ZNF524: variants seen among roughly 807,000 people sequenced by gnomAD.
The protein encoded by ZNF524 is zinc finger protein 524.
For missense variants in ZNF524, 388 were observed against 380.1 expected, an observed-to-expected ratio of 1.02 and a Z score of -0.17; for synonymous variants, 194 against 166.3, an observed-to-expected ratio of 1.17 and a Z score of -1.28.
Position 55,602,625 on chromosome 19 carries a change from C to G in ZNF524, c.513C>G (p.Arg171=). 6.3e-7 allele frequency: 1 copy of G among 1,581,070 alleles called. No individual in the cohort carries two copies. The highest frequency in any genetic ancestry group is 2.3e-5 in the East Asian group (1 of 43,514). Residue 171 remains arginine, a synonymous_variant, in exon 2 of 2, where the codon CGC becomes CGG. Transcript: ENST00000301073. ...CNIHAGLRPF[R]CPLCPRRFRE... ...TCCATGCCGGCCTGCGGCCCTTCCG[C>G]TGCCCGCTGTGCCCCCGCCGCTTCC... is the stretch of plus-strand genomic sequence containing the variant.
chr19:55,602,924 T>C lies in ZNF524; in HGVS notation c.*17T>C. On this transcript the variant is annotated 3_prime_UTR_variant, in exon 2 of 2. Transcript: ENST00000301073. ...CCGGCCTGACCCACACCCCCGGCCA[T>C]CGCTCCCTGGGCCAGGTTTAGAGCA... 6.5e-7 allele frequency: 1 copy of C among 1,531,812 alleles called. No homozygotes were observed. The highest frequency in any genetic ancestry group is 2.0e-5 in the Admixed American group (1 of 49,124). 94.9% of individuals were successfully genotyped at this position (1,531,812 alleles called of 1,614,324 possible).
In ZNF524 at chr19:55,602,866, G is replaced by A. The variant is rs762697294; in HGVS notation, c.754G>A (p.Glu252Lys). Residue 252 changes from glutamate to lysine, a missense_variant, in exon 2 of 2, where the codon GAG becomes AAG. By Grantham distance (56) the Glu-to-Lys change is moderately conservative (BLOSUM62 1). Transcript: ENST00000301073. ...EEGIPATAGA[E>K]EEEETEGKGE... ...GGGCATCCCGGCCACAGCAGGGGCC[G>A]AGGAGGAGGAGGAGACAGAGGGGAA... 3.1e-5 allele frequency: 49 copies of A among 1,591,248 alleles called. No individual in the cohort carries two copies. Among genetic ancestry groups the A allele is most frequent in the South Asian group, 2.1e-4 (19 of 88,466 alleles).
chr19:55,599,950 C>A (rs937579187), upstream of ZNF524: 7 of 152,250 alleles, frequency 4.6e-5, no homozygotes, highest in African/African-American at 1.7e-4. Context: ...CTTAGCACTC[C>A]ATGGGCTTCG....
chr19:55,601,018 A>C (rs1980654839), intron 1 of ZNF524: 1 of 152,238 alleles, frequency 6.6e-6, no homozygotes, highest in African/African-American at 2.4e-5. Context: ...TTTAAAGCCC[A>C]CTGTCTTATT....
intron 1 of ZNF524, chr19:55,600,655 C>T (rs1439442023): frequency 2.0e-5 from 3 of 152,104 alleles, no homozygotes; most frequent in Admixed American, 6.5e-5. Context: ...GCTCGGGGGC[C>T]GATGGGCGCG....
upstream of ZNF524, chr19:55,599,852 G>A (rs1339336817): frequency 1.3e-5 from 2 of 152,224 alleles, no homozygotes; most frequent in Non-Finnish European, 2.9e-5. Flanking sequence ...CTCCGATTAG[G>A]ATGTACAGTT....
In ZNF524 at chr19:55,602,957, T is replaced by C. The variant is rs1189476735; in HGVS notation, c.*50T>C. 1.3e-6 allele frequency: 2 copies of C among 1,482,252 alleles called. No homozygotes were observed. Among genetic ancestry groups the C allele is most frequent in the Admixed American group, 4.6e-5 (2 of 43,328 alleles). 91.8% of individuals were successfully genotyped at this position (1,482,252 alleles called of 1,614,324 possible). ...TGGGCCAGGTTTAGAGCAGGGAGTT[T>C]GGCTGGTGCTGGGCCTGAGCCAGGG... On this transcript the variant is annotated 3_prime_UTR_variant, in exon 2 of 2. Coordinates refer to ENST00000301073, the MANE Select transcript of ZNF524 (RefSeq NM_153219.4).
At position 55,602,913 on chromosome 19, in the gene ZNF524, A is replaced by AC. The variant is rs1451243872; in HGVS notation, c.*11dup. 4 of 1,542,180 alleles carry AC rather than the reference A, an allele frequency of 2.6e-6. No homozygotes were observed. The highest frequency in any genetic ancestry group is 3.5e-6 in the Non-Finnish European group (4 of 1,140,984). On this transcript the variant is annotated 3_prime_UTR_variant, in exon 2 of 2. Coordinates refer to ENST00000301073, the MANE Select transcript of ZNF524 (RefSeq NM_153219.4). ...GGAAAGGGGAGCCGGCCTGACCCAC[A>AC]CCCCCGGCCATCGCTCCCTGGGCCA...
Position 55,602,847 on chromosome 19 carries a change from C to T in ZNF524, c.735C>T (p.Ile245=). ...AACCGCCGTGGGACGAGGAGGGCAT[C>T]CCGGCCACAGCAGGGGCCGAGGAGG... ...GSEPPWDEEG[I]PATAGAEEEE... is the part of the protein sequence containing the mutation. Residue 245 remains isoleucine, a synonymous_variant, in exon 2 of 2, where the codon ATC becomes ATT. Coordinates refer to ENST00000301073, the MANE Select transcript of ZNF524 (RefSeq NM_153219.4). 6.2e-7 allele frequency: 1 copy of T among 1,608,006 alleles called. No individual in the cohort carries two copies. The highest frequency in any genetic ancestry group is 8.5e-7 in the Non-Finnish European group (1 of 1,178,298).
Position 55,602,507 on chromosome 19 carries a change from A to G in ZNF524, c.395A>G (p.His132Arg), listed in dbSNP as rs771275555. The G allele has an allele frequency of 6.3e-7, 1 of 1,598,232 alleles. No homozygotes were observed. The highest frequency in any genetic ancestry group is 8.5e-7 in the Non-Finnish European group (1 of 1,178,230). Residue 132 changes from histidine to arginine, a missense_variant, in exon 2 of 2, where the codon CAC becomes CGC. Transcript: ENST00000301073. Reference protein sequence around the residue: ...AFPYLSDLERHSISHSELKPH... With the variant: ...AFPYLSDLERRSISHSELKPH... Reference sequence around the variant, plus strand: ...CCCTACCTCTCCGACCTGGAGCGCCACAGCATCTCGCACTCAGAGCTGAAG... The same window carrying G: ...CCCTACCTCTCCGACCTGGAGCGCCGCAGCATCTCGCACTCAGAGCTGAAG...
rs747301633 is a variant in ZNF524 at position 55,602,227 on chromosome 19, G to A, written c.115G>A (p.Ala39Thr). ...RGRRGRRPGG[A>T]TSSNRTLKAS... ...CCGCCGAGGCCGTCGTCCTGGGGGA[G>A]CCACCTCCTCAAATCGGACACTCAA... The change falls in exon 2 of 2, where the codon GCC (alanine) becomes ACC (threonine). Residue 39 changes from alanine (A) to threonine (T), a missense_variant. Physicochemically the swap from Ala to Thr is moderately conservative, Grantham distance 58. Transcript: ENST00000301073. The A allele has an allele frequency of 1.2e-6, 2 of 1,612,354 alleles. No individual in the cohort carries two copies. The highest frequency in any genetic ancestry group is 1.7e-6 in the Non-Finnish European group (2 of 1,179,558).
Position 55,602,487 on chromosome 19 carries a change from C to T in ZNF524, c.375C>T (p.Tyr125=), listed in dbSNP as rs772651607. 2 of 1,597,974 alleles carry T rather than the reference C, an allele frequency of 1.3e-6. No individual in the cohort carries two copies. Among genetic ancestry groups the T allele is most frequent in the Non-Finnish European group, 1.7e-6 (2 of 1,177,872 alleles). ...CGGTGTGCCTGCGGGCCTTCCCCTACCTCTCCGACCTGGAGCGCCACAGCA... is the reference window on the plus strand; with the variant it reads ...CGGTGTGCCTGCGGGCCTTCCCCTATCTCTCCGACCTGGAGCGCCACAGCA... ...FCPVCLRAFP[Y]LSDLERHSIS... is the part of the protein sequence containing the mutation. The change falls in exon 2 of 2, where the codon TAC becomes TAT. Residue 125 remains tyrosine (Y), a synonymous_variant. Transcript: ENST00000301073.
At chr19:55,600,628 C>G (rs1189760541) in intron 1 of ZNF524, 1 of 152,114 alleles carries the variant, frequency 6.6e-6, no homozygotes, top group African/African-American at 2.4e-5. Context: ...GGGCCCGCCC[C>G]GCGCTTGGGC....
rs1445231237 is a variant in ZNF524, at chr19:55,603,073, C to T, written c.*166C>T. 7.8e-6 allele frequency: 6 copies of T among 769,896 alleles called. No homozygotes were observed. Among genetic ancestry groups the T allele is most frequent in the African/African-American group, 3.5e-5 (2 of 56,506 alleles). The allele number at this position is 769,896 out of a possible 1,614,324, so 47.7% of individuals were successfully genotyped here. On this transcript the variant is annotated 3_prime_UTR_variant, in exon 2 of 2. Coordinates refer to ENST00000301073, the MANE Select transcript of ZNF524 (RefSeq NM_153219.4). ...ACTTTGGGGTCCAGCTGCCTTCAGC[C>T]CCCCTCCCCCAGACTAACAGACCCT...
intron 1 of ZNF524, chr19:55,601,178 CTG>C (rs764297421): frequency 6.6e-6 from 1 of 152,250 alleles, no homozygotes; most frequent in Non-Finnish European, 1.5e-5. Flanking sequence ...TCTCCATTCT[CTG>C]GGACATTCGG....
chr19:55,602,361 C>A lies in ZNF524; in HGVS notation c.249C>A (p.Asp83Glu), dbSNP rs751504609. The change falls in exon 2 of 2, where the codon GAC becomes GAA. Residue 83 changes from aspartate (D) to glutamate (E), a missense_variant. By Grantham distance (45) the Asp-to-Glu change is conservative (BLOSUM62 2). Transcript: ENST00000301073. ...TAPVGSSGGS[D>E]LLLIDDQGVP... is the part of the protein sequence containing the mutation. ...CAGTAGGCAGCAGTGGCGGGAGCGA[C>A]CTCCTCCTGATCGATGATCAGGGTG... 6.4e-7 allele frequency: 1 copy of A among 1,560,588 alleles called. No homozygotes were observed. The highest frequency in any genetic ancestry group is 8.7e-7 in the Non-Finnish European group (1 of 1,153,026).
upstream of ZNF524, chr19:55,599,610 T>A (rs544587679): frequency 6.6e-6 from 1 of 152,168 alleles, no homozygotes; most frequent in African/African-American, 2.4e-5. Context: ...CCCTTCCTCA[T>A]CCCCGCCCTT....
chr19:55,600,619 G>A (rs1176043759), intron 1 of ZNF524: 2 of 152,068 alleles, frequency 1.3e-5, no homozygotes, highest in African/African-American at 4.8e-5. Flanking sequence ...GCCCCCGCAG[G>A]GCCCGCCCCG....
Position 55,602,975 on chromosome 19 carries a change from AGCCAGG to A in ZNF524, c.*70_*75del. On this transcript the variant is annotated 3_prime_UTR_variant, in exon 2 of 2. Transcript: ENST00000301073. ...GGGAGTTTGGCTGGTGCTGGGCCTG[AGCCAGG>A]GGGCCGGGACACCCTTGTTTCCGGT... 1 of 1,453,196 alleles carries A rather than the reference AGCCAGG, an allele frequency of 6.9e-7. No individual in the cohort carries two copies. The allele number at this position is 1,453,196 out of a possible 1,614,324, so 90.0% of individuals were successfully genotyped here.
Sources: allele counts gnomAD v4.1 joint callset, GRCh38; gene constraint gnomAD v4.1.1; transcripts MANE v1.5; gene names NCBI Gene and HGNC (gene_info 2026-07-23, HGNC 2026-07-21).